Variants in FGF12 observed in about 807,000 individuals in gnomAD.
FGF12 encodes the protein fibroblast growth factor 12.
Under a neutral mutation model 23.6 loss-of-function variants are expected in FGF12, and 14 were observed. The ratio of observed to expected loss-of-function variants is 0.59; its 90% CI spans 0.39 to 0.93. The LOEUF (loss-of-function observed/expected upper bound fraction) is 0.93, where lower values mean the gene tolerates loss of function less well. Ranked by LOEUF, FGF12 falls within the 40% of genes least tolerant of loss-of-function variation. FGF12 has a pLI of 0.00. For missense variants in FGF12, 175 were observed against 217.8 expected, an observed-to-expected ratio of 0.80 and a Z score of 1.24; for synonymous variants, 62 against 77.3, an observed-to-expected ratio of 0.80 and a Z score of 1.04.
Position 192,509,261 on chromosome 3 carries a change from C to T in FGF12, c.14-148723G>A, listed in dbSNP as rs80186181. Among the ~76,000 whole-genome samples, 504 of 152,282 alleles carry T rather than the reference C, an allele frequency of 3.3e-3. 2 individuals are homozygous for T. Among genetic ancestry groups the T allele is most frequent in the Non-Finnish European group, 3.9e-3 (262 of 68,024 alleles). On this transcript the variant is annotated intron_variant, in intron 2 of 5. Coordinates refer to ENST00000445105, the MANE Select transcript of FGF12 (RefSeq NM_004113.6). ...TCTTCTGCTGTGCTTAACACAGAGTCGGGCAAATGGATTGCTGGCCCATGA... is the reference window on the plus strand; with the variant it reads ...TCTTCTGCTGTGCTTAACACAGAGTTGGGCAAATGGATTGCTGGCCCATGA...
chr3:192,268,733 G>A (rs1231670110), intron 4 of FGF12: 1 of 446,072 alleles, frequency 2.2e-6, no homozygotes, highest in South Asian at 1.6e-5. Flanking sequence ...CATGCTTCCT[G>A]TAAAACCTGC....
At chr3:192,247,036 GGAAGGAAGGAAGGAA>G (rs1711645866) in intron 4 of FGF12, among the ~76,000 whole-genome samples, 1 of 7,430 alleles carries the variant, frequency 1.3e-4, no homozygotes, top group East Asian at 1.8e-3. Context: ...AAGGAAAGAA[GGAAGGAAGGAAGGAA>G]GGAAGGAAGG....
At chr3:192,341,986 G>A (rs1243987038) in intron 3 of FGF12, among the ~76,000 whole-genome samples, 2 of 150,964 alleles carry the variant, frequency 1.3e-5, no homozygotes, top group Non-Finnish European at 1.5e-5. Context: ...AGGACTTACT[G>A]TATGCCAAAT....
At position 192,484,958 on chromosome 3, in the gene FGF12, T is replaced by C. The variant is rs931828812; in HGVS notation, c.14-124420A>G. On this transcript the variant is annotated intron_variant, in intron 2 of 5. Coordinates refer to ENST00000445105, the MANE Select transcript of FGF12 (RefSeq NM_004113.6). ...GATTGGTCTACAGCCCCACCCTCCATAATCAATGCCTGGATTTTAAATTTT... is the reference window on the plus strand; with the variant it reads ...GATTGGTCTACAGCCCCACCCTCCACAATCAATGCCTGGATTTTAAATTTT... Among the ~76,000 whole-genome samples, 34 of 151,438 alleles carry C rather than the reference T, an allele frequency of 2.2e-4. 1 individual carries two copies. The highest frequency in any genetic ancestry group is 7.6e-4 in the African/African-American group (31 of 40,854).
At chr3:192,724,359 G>A (rs1719143064) in intron 2 of FGF12, among the ~76,000 whole-genome samples, 1 of 152,020 alleles carries the variant, frequency 6.6e-6, no homozygotes, top group Non-Finnish European at 1.5e-5. Context: ...ACCTCTAAAG[G>A]AAACATATAT....
chr3:192,508,832 C>G (rs753075169), intron 2 of FGF12, among the ~76,000 whole-genome samples: 1 of 152,158 alleles, frequency 6.6e-6, no homozygotes, highest in African/African-American at 2.4e-5. Flanking sequence ...TTTTCAAGCT[C>G]AGAGAGATTA....
intron 2 of FGF12, among the ~76,000 whole-genome samples, chr3:192,715,130 T>C (rs1362696037): frequency 6.6e-6 from 1 of 152,248 alleles, no homozygotes; most frequent in East Asian, 1.9e-4. Flanking sequence ...GTAAGTAGAA[T>C]TGTATTCTAG....
At chr3:192,297,446 T>C (rs1185652142) in intron 4 of FGF12, among the ~76,000 whole-genome samples, 3 of 152,204 alleles carry the variant, frequency 2.0e-5, no homozygotes, top group African/African-American at 7.2e-5. Flanking sequence ...TAATTGCCAA[T>C]TCACATATCT....
At chr3:192,510,351 G>C (rs1352190041) in intron 2 of FGF12, among the ~76,000 whole-genome samples, 1 of 152,172 alleles carries the variant, frequency 6.6e-6, no homozygotes. Flanking sequence ...AAAATACACA[G>C]GTGGCAAGCA....
chr3:192,518,266 C>T (rs967530680), intron 2 of FGF12, among the ~76,000 whole-genome samples: 1 of 151,992 alleles, frequency 6.6e-6, no homozygotes, highest in Non-Finnish European at 1.5e-5. Flanking sequence ...AGTGTGGCTT[C>T]AAAATAAAAT....
At chr3:192,591,366 C>T (rs1467083625) in intron 2 of FGF12, among the ~76,000 whole-genome samples, 1 of 151,636 alleles carries the variant, frequency 6.6e-6, no homozygotes, top group Non-Finnish European at 1.5e-5. Context: ...ACATGCTCGG[C>T]TCCCAGTTTT....
intron 2 of FGF12, among the ~76,000 whole-genome samples, chr3:192,489,482 G>A (rs1414669592): frequency 6.6e-6 from 1 of 151,978 alleles, no homozygotes; most frequent in African/African-American, 2.4e-5. Context: ...GAACAACAAT[G>A]TGCTTAGTCC....
intron 2 of FGF12, among the ~76,000 whole-genome samples, chr3:192,452,987 T>C (rs1035280006): frequency 6.6e-6 from 1 of 152,246 alleles, no homozygotes; most frequent in African/African-American, 2.4e-5. Context: ...TATCTTTCCA[T>C]AATTCCAGAC....
chr3:192,277,719 T>C (rs1362134612), intron 4 of FGF12, among the ~76,000 whole-genome samples: 3 of 152,204 alleles, frequency 2.0e-5, no homozygotes, highest in Non-Finnish European at 1.5e-5. Context: ...TATGAGGATC[T>C]GGCTGTCACA....
At chr3:192,394,036 A>C (rs1720415333) in intron 2 of FGF12, among the ~76,000 whole-genome samples, 1 of 152,192 alleles carries the variant, frequency 6.6e-6, no homozygotes. Flanking sequence ...CTATTGCTTA[A>C]AACTGTCCTG....
chr3:192,564,442 A>G (rs1712189844), intron 2 of FGF12, among the ~76,000 whole-genome samples: 1 of 152,118 alleles, frequency 6.6e-6, no homozygotes, highest in African/African-American at 2.4e-5. Context: ...TTTCATGTCC[A>G]CTTTATGCTT....
At chr3:192,207,867 A>G (rs1717735055) in intron 4 of FGF12, among the ~76,000 whole-genome samples, 2 of 152,216 alleles carry the variant, frequency 1.3e-5, no homozygotes, top group African/African-American at 4.8e-5. Flanking sequence ...ACCATTTCAG[A>G]CACGCTGAAG....
intron 5 of FGF12, among the ~76,000 whole-genome samples, chr3:192,159,439 G>T (rs909135718): frequency 1.3e-5 from 2 of 152,166 alleles, no homozygotes; most frequent in African/African-American, 4.8e-5. Context: ...CTTTGCAGGA[G>T]CCTCCTTTTC....
At chr3:192,692,441 C>T (rs1717972604) in intron 2 of FGF12, among the ~76,000 whole-genome samples, 1 of 152,106 alleles carries the variant, frequency 6.6e-6, no homozygotes, top group African/African-American at 2.4e-5. Context: ...TGCGGTGGCT[C>T]ACACCTGTAT....
Sources: gnomAD v4.1 joint callset for allele counts (sites outside exome capture counted in the v4.1 genomes callset) on GRCh38, gnomAD v4.1.1 for gene constraint, MANE v1.5 for transcripts, NCBI Gene and HGNC (gene_info 2026-07-23, HGNC 2026-07-21) for gene names.